The following TTI1 variants were observed in gnomAD, a reference collection of about 807,000 sequenced individuals.
TTI1 encodes the protein TELO2 interacting protein 1.
Under a neutral mutation model 85.4 loss-of-function variants are expected in TTI1, and 52 were observed. That is an observed-to-expected ratio of 0.61 (90% confidence interval 0.49 to 0.77). The LOEUF is 0.77. Ranked by LOEUF, TTI1 falls within the 30% of genes least tolerant of loss-of-function variation. TTI1 has a pLI of 0.00. For missense variants in TTI1, 1,173 were observed against 1,296.0 expected, an observed-to-expected ratio of 0.91 and a Z score of 1.46; for synonymous variants, 512 against 503.9, an observed-to-expected ratio of 1.02 and a Z score of -0.22.
intron 3 of TTI1, among the ~76,000 whole-genome samples, chr20:38,003,835 C>T (rs966317206): frequency 6.6e-5 from 10 of 151,886 alleles, no homozygotes; most frequent in African/African-American, 2.2e-4. Flanking sequence ...CTGGCCTCTG[C>T]TCTGTCCTTC....
intron 1 of TTI1, among the ~76,000 whole-genome samples, chr20:38,021,477 C>A (rs1021904427): frequency 1.3e-5 from 2 of 152,180 alleles, no homozygotes; most frequent in African/African-American, 4.8e-5. Flanking sequence ...CCAACAGCAA[C>A]AGGGGCATTC....
intron 1 of TTI1, among the ~76,000 whole-genome samples, chr20:38,024,841 G>T (rs957525579): frequency 6.6e-6 from 1 of 152,174 alleles, no homozygotes; most frequent in Admixed American, 6.5e-5. Flanking sequence ...CACACGGGGA[G>T]CCTAAACTTC....
intron 7 of TTI1, chr20:37,987,164 T>C (rs1196522639): frequency 4.4e-6 from 2 of 456,632 alleles, no homozygotes; most frequent in Non-Finnish European, 8.8e-6. Flanking sequence ...GGAGGTCTGA[T>C]CTGAGTCCTT....
At chr20:38,008,107 G>C (rs1415836156) in intron 2 of TTI1, among the ~76,000 whole-genome samples, 1 of 152,180 alleles carries the variant, frequency 6.6e-6, no homozygotes, top group Non-Finnish European at 1.5e-5. Flanking sequence ...TATTGGATTA[G>C]CAAAGATCAA....
At chr20:38,003,641 A>C (rs1239626888) in intron 3 of TTI1, among the ~76,000 whole-genome samples, 1 of 151,776 alleles carries the variant, frequency 6.6e-6, no homozygotes, top group African/African-American at 2.4e-5. Flanking sequence ...AATCTTAACT[A>C]CTTGGGAGGG....
At chr20:38,009,567 G>A (rs1000410484) in intron 2 of TTI1, among the ~76,000 whole-genome samples, 7 of 151,620 alleles carry the variant, frequency 4.6e-5, no homozygotes, top group Non-Finnish European at 7.4e-5. Flanking sequence ...GTGCAGTGGT[G>A]CAATCATGGC....
At chr20:38,020,318 AAAAAAATATATATATATATAT>A (rs2073746668) in intron 1 of TTI1, among the ~76,000 whole-genome samples, 4 of 84,144 alleles carry the variant, frequency 4.8e-5, no homozygotes, top group African/African-American at 1.9e-4. Flanking sequence ...ATGAAAAAAA[AAAAAAATATATATATATATAT>A]ATATATATAT....
intron 4 of TTI1, 142 bp from the exon 5 acceptor site, chr20:37,999,470 G>A (rs2073390048): frequency 2.2e-6 from 2 of 889,398 alleles, no homozygotes; most frequent in African/African-American, 3.5e-5. Context: ...CCAAGCACTA[G>A]CTAGGTACTG....
At chr20:37,986,840 C>A (rs2073196722) in intron 7 of TTI1, among the ~76,000 whole-genome samples, 1 of 152,130 alleles carries the variant, frequency 6.6e-6, no homozygotes, top group African/African-American at 2.4e-5. Context: ...TTTCAGATAC[C>A]CTGAAAAGGG....
chr20:37,999,302 C>G lies in TTI1; in HGVS notation c.2679G>C (p.Val893=). ...GGTTTTTGTGGGACTGAAGAACAAC[C>G]ACACACAGATCCAGCACATCCAAGA... ...LKVLDVLDLC[V]VVLQSHKNQL... is the part of the protein sequence containing the mutation. Residue 893 remains valine (V), a synonymous_variant, in exon 5 of 8, where the codon GTG becomes GTC. Transcript: ENST00000373447. 4 of 1,485,698 alleles carry G rather than the reference C, an allele frequency of 2.7e-6. No individual in the cohort carries two copies. The highest frequency in any genetic ancestry group is 2.2e-5 in the Admixed American group (1 of 44,588). 92.0% of individuals were successfully genotyped at this position (1,485,698 alleles called of 1,614,324 possible). A position where few individuals can be genotyped will look rare whatever the true frequency, so the allele number is the denominator to read the frequency against.
At chr20:38,006,782 ATCAGC>A (rs1380673056) in intron 2 of TTI1, among the ~76,000 whole-genome samples, 1 of 152,194 alleles carries the variant, frequency 6.6e-6, no homozygotes, top group Non-Finnish European at 1.5e-5. Flanking sequence ...TTCTCTTCAT[ATCAGC>A]TCATCACAAT....
At chr20:38,020,323 A>AAAATATATATATATATATAT in intron 1 of TTI1, among the ~76,000 whole-genome samples, 27 of 50,362 alleles carry the variant, frequency 5.4e-4, no homozygotes, top group East Asian at 1.7e-3. Context: ...AAAAAAAAAA[A>AAAATATATATATATATATAT]ATATATATAT....
At chr20:38,018,220 G>A (rs934915566) in intron 1 of TTI1, among the ~76,000 whole-genome samples, 11 of 152,050 alleles carry the variant, frequency 7.2e-5, no homozygotes, top group African/African-American at 1.4e-4. Flanking sequence ...ATAAAGTCAA[G>A]AAACAGAGGA....
chr20:37,987,530 C>T, intron 7 of TTI1: 1 of 367,884 alleles, frequency 2.7e-6, no homozygotes, highest in Non-Finnish European at 5.3e-6. Context: ...AAATCAGTGG[C>T]TCCAGAGAGC....
Position 38,012,044 on chromosome 20 carries a change from G to A in TTI1, c.1773C>T (p.Gly591=), listed in dbSNP as rs1051699397. 8 of 1,614,090 alleles carry A rather than the reference G, an allele frequency of 5.0e-6. No individual in the cohort carries two copies. In the African/African-American group the frequency reaches 1.1e-4, roughly 22 times the overall value. Residue 591 remains glycine (G), a synonymous_variant, in exon 2 of 8, where the codon GGC becomes GGT. Coordinates refer to ENST00000373447, the MANE Select transcript of TTI1 (RefSeq NM_001303457.2). ...MGEELMMEHP[G]LQAITSGEHT... The stretch of plus-strand genomic sequence containing the variant: ...GTTCACCAGACGTGATGGCTTGGAG[G>A]CCTGGGTGCTCCATCATCAGCTCCT...
intron 1 of TTI1, among the ~76,000 whole-genome samples, chr20:38,026,945 G>GAA (rs1353185273): frequency 6.6e-6 from 1 of 152,152 alleles, no homozygotes; most frequent in Non-Finnish European, 1.5e-5. Flanking sequence ...TACTTTGCTA[G>GAA]GTAAAGGTAA....
chr20:38,015,537 C>A (rs1413765291), intron 1 of TTI1, among the ~76,000 whole-genome samples: 1 of 152,070 alleles, frequency 6.6e-6, no homozygotes, highest in Non-Finnish European at 1.5e-5. Flanking sequence ...AAGAGAATTG[C>A]TTAATGGGAT....
chr20:38,006,747 G>A (rs11908671), intron 2 of TTI1, among the ~76,000 whole-genome samples: 4 of 152,168 alleles, frequency 2.6e-5, no homozygotes, highest in African/African-American at 9.7e-5. Context: ...TCACTTACAT[G>A]ATGTCTTATA....
intron 3 of TTI1, chr20:38,005,957 A>G (rs1221948789): frequency 8.4e-6 from 4 of 474,202 alleles, no homozygotes; most frequent in Non-Finnish European, 1.5e-5. Context: ...TTCAACGGCA[A>G]TAAGCAGAGT....
Sources: allele counts gnomAD v4.1 joint callset (sites outside exome capture counted in the v4.1 genomes callset), GRCh38; gene constraint gnomAD v4.1.1; transcripts MANE v1.5; gene names NCBI Gene and HGNC (gene_info 2026-07-23, HGNC 2026-07-21).